The following PDGFRB variants were observed in gnomAD, a reference collection of about 807,000 sequenced individuals.
The protein encoded by PDGFRB is platelet derived growth factor receptor beta.
In PDGFRB, 42 loss-of-function variants were observed where a neutral mutation model predicts 120.2. That is an observed-to-expected ratio of 0.35 (90% CI 0.27 to 0.45). The LOEUF is 0.45. Ranked by LOEUF, PDGFRB falls within the 20% of genes least tolerant of loss-of-function variation. The pLI is 1.00. For missense variants in PDGFRB, 1,149 were observed against 1,476.3 expected (o/e 0.78, Z 3.63); for synonymous variants, 586 against 606.8 (o/e 0.97, Z 0.50).
rs779593521 is a variant in PDGFRB at position 150,118,742 on chromosome 5, C to G, written c.2904+5G>C. On this transcript the variant is annotated splice_donor_5th_base_variant and intron_variant, in intron 21 of 22. Coordinates refer to ENST00000261799, the MANE Select transcript of PDGFRB (RefSeq NM_002609.4). ...GTGCTCCACCCCTACCCTGCCTCAA[C>G]ATACCTTTTTGTAACCTTCGCCCAA... is the stretch of plus-strand genomic sequence containing the variant. The G allele has an allele frequency of 3.8e-6, 6 of 1,583,658 alleles. No homozygotes were observed. The highest frequency in any genetic ancestry group is 5.2e-6 in the Non-Finnish European group (6 of 1,152,320).
chr5:150,118,758 C>A lies in PDGFRB; in HGVS notation c.2893G>T (p.Gly965Cys). ...VLLLERLLGE[G>C]YKKKYQQVDE... ...CTGCCTCAACATACCTTTTTGTAAC[C>A]TTCGCCCAACAGTCTCTCGAGAAGC... The change falls in exon 21 of 23, where the codon GGT becomes TGT. Residue 965 changes from glycine to cysteine, a missense_variant. Coordinates refer to ENST00000261799, the MANE Select transcript of PDGFRB (RefSeq NM_002609.4). 1 of 1,609,308 alleles carries A rather than the reference C, an allele frequency of 6.2e-7. No individual in the cohort carries two copies. Among genetic ancestry groups the A allele is most frequent in the Non-Finnish European group, 8.5e-7 (1 of 1,175,710 alleles).
chr5:150,139,120 G>A (rs1005150733), intron 1 of PDGFRB, among the ~76,000 whole-genome samples: 51 of 152,210 alleles, frequency 3.4e-4, no homozygotes, highest in African/African-American at 1.2e-3. Flanking sequence ...GTGGCTTAGA[G>A]ACTCTGAGCT....
At chr5:150,155,293 T>G (rs1422721748) in intron 1 of PDGFRB, 104 bp downstream of exon 1, 1 of 294,050 alleles carries the variant, frequency 3.4e-6, no homozygotes, top group Non-Finnish European at 6.0e-6. Context: ...TAAAAATATC[T>G]TCCCTTTTTT....
intron 1 of PDGFRB, 54 bp from the exon 2 acceptor site, chr5:150,137,107 G>T (rs552268416): frequency 1.2e-5 from 17 of 1,463,218 alleles, no homozygotes; most frequent in Admixed American, 5.4e-5. Context: ...AGCGACAGGG[G>T]CTATCTCACC....
chr5:150,145,168 C>T (rs1032268981), intron 1 of PDGFRB, among the ~76,000 whole-genome samples: 1 of 152,240 alleles, frequency 6.6e-6, no homozygotes, highest in Non-Finnish European at 1.5e-5. Flanking sequence ...AAGACTTTTT[C>T]AGTGATCTAC....
intron 10 of PDGFRB, among the ~76,000 whole-genome samples, chr5:150,129,092 C>T (rs73796322): frequency 0.027 from 4,106 of 152,218 alleles, 181 homozygotes; most frequent in African/African-American, 0.092. Flanking sequence ...CACATGTGTA[C>T]GGGAATTATG....
chr5:150,140,895 T>C (rs773522661), intron 1 of PDGFRB, among the ~76,000 whole-genome samples: 1 of 152,110 alleles, frequency 6.6e-6, no homozygotes, highest in African/African-American at 2.4e-5. Context: ...ACCGCCTTAA[T>C]CTAAATAAAT....
At chr5:150,124,643 GGCCAC>G in intron 13 of PDGFRB, 79 bp downstream of exon 13, 1 of 689,484 alleles carries the variant, frequency 1.5e-6, no homozygotes, top group Non-Finnish European at 2.5e-6. Context: ...ATCAGCATCA[GGCCAC>G]CCTGGGAGAG....
At chr5:150,152,674 C>T (rs1761108753) in intron 1 of PDGFRB, among the ~76,000 whole-genome samples, 1 of 152,212 alleles carries the variant, frequency 6.6e-6, no homozygotes, top group African/African-American at 2.4e-5. Flanking sequence ...CAGACTGTGG[C>T]CTGTGCCTGG....
intron 1 of PDGFRB, among the ~76,000 whole-genome samples, chr5:150,147,255 C>G (rs1210623541): frequency 1.3e-5 from 2 of 152,184 alleles, no homozygotes; most frequent in African/African-American, 4.8e-5. Flanking sequence ...CTGCTGCCCT[C>G]CCCATCCCCA....
chr5:150,146,053 T>C (rs2113926536), intron 1 of PDGFRB, among the ~76,000 whole-genome samples: 1 of 152,138 alleles, frequency 6.6e-6, no homozygotes, highest in South Asian at 2.1e-4. Context: ...GTACATTCCC[T>C]CTATTCACAT....
intron 10 of PDGFRB, 115 bp downstream of exon 10, chr5:150,129,641 TG>T (rs1466327573): frequency 1.2e-5 from 9 of 754,652 alleles, no homozygotes; most frequent in African/African-American, 1.7e-5. Context: ...TGCTCCTGTT[TG>T]CCCCTGGGCA....
Position 150,121,872 on chromosome 5 carries a change from C to T in PDGFRB, c.2344+8G>A, listed in dbSNP as rs372289653. On this transcript the variant is annotated splice_region_variant and intron_variant, in intron 16 of 22. Coordinates refer to ENST00000261799, the MANE Select transcript of PDGFRB (RefSeq NM_002609.4). The surrounding 1 kb of genome is among the most constrained non-coding windows in gnomAD (Gnocchi z 4.1). Reference sequence around the variant, plus strand: ...GATGTGGGGTACTATGTCACTATGTCCACCCACCAGAGGGAACGTAGTTAT... The same window carrying T: ...GATGTGGGGTACTATGTCACTATGTTCACCCACCAGAGGGAACGTAGTTAT... 1.2e-6 allele frequency: 2 copies of T among 1,604,244 alleles called. No homozygotes were observed. Among genetic ancestry groups the T allele is most frequent in the Non-Finnish European group, 1.7e-6 (2 of 1,171,278 alleles).
Position 150,117,494 on chromosome 5 carries a change from C to T in PDGFRB, c.3137+124G>A, listed in dbSNP as rs1036144393. On this transcript the variant is annotated intron_variant, in intron 22 of 22. Coordinates refer to ENST00000261799, the MANE Select transcript of PDGFRB (RefSeq NM_002609.4). Reference sequence around the variant, plus strand: ...ATTCATTGGTAGGGATAAGTACTTACCCTACGTAACTTACCTCTGAGGCAA... The same window carrying T: ...ATTCATTGGTAGGGATAAGTACTTATCCTACGTAACTTACCTCTGAGGCAA... The T allele has an allele frequency of 2.7e-5, 17 of 619,162 alleles. No individual in the cohort carries two copies. The African/African-American group carries it at 2.7e-4, about 10-fold the overall frequency. The allele number at this position is 619,162 out of a possible 1,614,324, so 38.4% of individuals were successfully genotyped here.
chr5:150,121,795 C>A lies in PDGFRB; in HGVS notation c.2344+85G>T. The A allele has an allele frequency of 2.8e-6, 3 of 1,084,430 alleles. No homozygotes were observed. In the South Asian group the frequency reaches 4.1e-5, roughly 15 times the overall value. 67.2% of individuals were successfully genotyped at this position (1,084,430 alleles called of 1,614,324 possible). A position where few individuals can be genotyped will look rare whatever the true frequency, so the allele number is the denominator to read the frequency against. ...TATGAAATGGGCACGAGGCTCCCTT[C>A]TTCTCAGGGTTTTTGGCAAGGCTGG... On this transcript the variant is annotated intron_variant, in intron 16 of 22. Transcript: ENST00000261799. The surrounding 1 kb of genome is among the most constrained non-coding windows in gnomAD (Gnocchi z 4.1).
chr5:150,142,969 C>T (rs375868482), intron 1 of PDGFRB, among the ~76,000 whole-genome samples: 3 of 152,042 alleles, frequency 2.0e-5, no homozygotes, highest in East Asian at 1.9e-4. Flanking sequence ...CGTTAGGCTA[C>T]TACTGACCTC....
At chr5:150,138,028 C>T (rs1423214493) in intron 1 of PDGFRB, among the ~76,000 whole-genome samples, 2 of 141,804 alleles carry the variant, frequency 1.4e-5, no homozygotes, top group African/African-American at 3.1e-5. Context: ...GAGACAGAAG[C>T]AAGGACAAAG....
chr5:150,123,813 C>A (rs1176876245), intron 14 of PDGFRB, among the ~76,000 whole-genome samples: 1 of 152,116 alleles, frequency 6.6e-6, no homozygotes, highest in Non-Finnish European at 1.5e-5. Context: ...TTTTTTCAGC[C>A]TAACTGGCAA....
chr5:150,140,287 G>A (rs951335800), intron 1 of PDGFRB, among the ~76,000 whole-genome samples: 2 of 152,104 alleles, frequency 1.3e-5, no homozygotes, highest in Admixed American at 6.5e-5. Context: ...GCTTGCCTGT[G>A]ACAACTTCCC....
Sources: allele counts gnomAD v4.1 joint callset (sites outside exome capture counted in the v4.1 genomes callset), GRCh38; gene constraint gnomAD v4.1.1; non-coding constraint Gnocchi (gnomAD v3.1); transcripts MANE v1.5; gene names NCBI Gene and HGNC (gene_info 2026-07-23, HGNC 2026-07-21).